PIAS2: variants seen among roughly 807,000 people sequenced by gnomAD.
PIAS2 encodes E3 SUMO-protein ligase PIAS2.
In PIAS2, 19 loss-of-function variants were observed where a neutral mutation model predicts 69.7. That is an observed-to-expected ratio of 0.27 (90% confidence interval 0.19 to 0.40). The LOEUF (loss-of-function observed/expected upper bound fraction) is 0.40. Among genes scored for constraint, PIAS2 ranks in the 10% least tolerant of loss-of-function variants. The pLI is 1.00. For synonymous variants in PIAS2, 261 were observed against 263.2 expected (o/e 0.99, Z 0.08); for missense variants, 624 against 757.0 (o/e 0.82, Z 2.06).
chr18:46,875,304 T>C (rs2050990952), intron 2 of PIAS2, among the ~76,000 whole-genome samples: 1 of 152,168 alleles, frequency 6.6e-6, no homozygotes, highest in African/African-American at 2.4e-5. Context: ...ATATGGAGGA[T>C]GGACAGCCAG....
chr18:46,848,665 A>G (rs1222468149), intron 5 of PIAS2, among the ~76,000 whole-genome samples: 2 of 152,306 alleles, frequency 1.3e-5, no homozygotes, highest in East Asian at 3.9e-4. Context: ...AACTTGCAAC[A>G]AAATTCTGAA....
At chr18:46,838,236 G>T (rs138199148) in intron 8 of PIAS2, among the ~76,000 whole-genome samples, 722 of 152,258 alleles carry the variant, frequency 4.7e-3, no homozygotes, top group Non-Finnish European at 6.7e-3. Context: ...TTCTACCTAC[G>T]TGCAAGGTAC....
chr18:46,824,801 G>A (rs1285302842), intron 11 of PIAS2, among the ~76,000 whole-genome samples: 2 of 149,334 alleles, frequency 1.3e-5, no homozygotes, highest in South Asian at 2.1e-4. Context: ...TCAGGAGTTC[G>A]AGACCAGCCT....
intron 12 of PIAS2, chr18:46,817,892 T>A: frequency 1.0e-6 from 1 of 977,450 alleles, no homozygotes; most frequent in Non-Finnish European, 1.2e-6. Flanking sequence ...TCAAGTTTCA[T>A]CAGTAGTGAT....
rs761746592 is a variant in PIAS2 at position 46,815,348 on chromosome 18, A to T, written c.1650T>A (p.Gly550=). ...CTGGAATAAGGGAAAGAAAATCCAA[A>T]CCTAAAACAAAAATGCTTTGTTAAT... ...PISSMSSDLP[G]LDFLSLIPVD... Residue 550 remains glycine, a splice_region_variant and synonymous_variant, in exon 13 of 14, where the codon GGT becomes GGA. Coordinates refer to ENST00000585916, the MANE Select transcript of PIAS2 (RefSeq NM_004671.5). 1.9e-6 allele frequency: 3 copies of T among 1,611,918 alleles called. No individual in the cohort carries two copies. In the East Asian group the frequency reaches 6.7e-5, roughly 36 times the overall value.
At chr18:46,886,246 CA>C (rs2145924376) in intron 2 of PIAS2, among the ~76,000 whole-genome samples, 1 of 129,848 alleles carries the variant, frequency 7.7e-6, no homozygotes, top group Admixed American at 7.3e-5. Flanking sequence ...CTACCCAAGC[CA>C]TATCACTAGT....
At chr18:46,876,600 G>C (rs1297279698) in intron 2 of PIAS2, among the ~76,000 whole-genome samples, 1 of 152,064 alleles carries the variant, frequency 6.6e-6, no homozygotes, top group African/African-American at 2.4e-5. Context: ...TAATAATACT[G>C]CTCCCGATGG....
chr18:46,879,781 G>A (rs983769830), intron 2 of PIAS2, among the ~76,000 whole-genome samples: 4 of 152,192 alleles, frequency 2.6e-5, no homozygotes, highest in Non-Finnish European at 4.4e-5. Context: ...AGGACATTAC[G>A]TTTAGTGAAA....
chr18:46,910,255 C>T (rs2057107842), intron 1 of PIAS2, among the ~76,000 whole-genome samples: 1 of 152,122 alleles, frequency 6.6e-6, no homozygotes, highest in African/African-American at 2.4e-5. Flanking sequence ...AGTACAATGG[C>T]TACTGTCATT....
chr18:46,817,883 C>G, intron 12 of PIAS2: 1 of 975,892 alleles, frequency 1.0e-6, no homozygotes, highest in Admixed American at 6.2e-5. Flanking sequence ...TATATAAAAT[C>G]AAGTTTCATC....
chr18:46,846,589 T>C lies in PIAS2; in HGVS notation c.861+118A>G, dbSNP rs2046196532. 1.1e-5 allele frequency: 12 copies of C among 1,044,690 alleles called. No individual in the cohort carries two copies. The South Asian group carries it at 2.2e-4, about 19-fold the overall frequency. 64.7% of individuals were successfully genotyped at this position (1,044,690 alleles called of 1,614,324 possible). ...CCACCTCTAAACTGAAAATTACTGC[T>C]TTTTAGAGATTACAATCCAAAAACA... On this transcript the variant is annotated intron_variant, in intron 6 of 13. Coordinates refer to ENST00000585916, the MANE Select transcript of PIAS2 (RefSeq NM_004671.5).
chr18:46,879,567 A>C (rs181683205), intron 2 of PIAS2, among the ~76,000 whole-genome samples: 1 of 152,212 alleles, frequency 6.6e-6, no homozygotes, highest in African/African-American at 2.4e-5. Context: ...GTGTATACTC[A>C]TAAGAATTAA....
intron 1 of PIAS2, among the ~76,000 whole-genome samples, chr18:46,910,099 T>C (rs890037936): frequency 2.0e-5 from 3 of 152,196 alleles, no homozygotes; most frequent in Non-Finnish European, 4.4e-5. Flanking sequence ...GAGGTTGCGG[T>C]GAGTCAAGAT....
chr18:46,838,670 G>A (rs995446611), intron 8 of PIAS2, among the ~76,000 whole-genome samples: 3 of 152,134 alleles, frequency 2.0e-5, no homozygotes, highest in African/African-American at 7.2e-5. Context: ...GAATCTTACA[G>A]TATGCCCAAG....
chr18:46,864,256 GAAAA>G lies in PIAS2; in HGVS notation c.500-12_500-9del. ...GCTGAATACTGCTTTGAACTGGGAA[GAAAA>G]AAAAAAAGAAAGATAATATTTCAAT... On this transcript the variant is annotated splice_polypyrimidine_tract_variant and intron_variant, in intron 2 of 13. Coordinates refer to ENST00000585916, the MANE Select transcript of PIAS2 (RefSeq NM_004671.5). The G allele has an allele frequency of 8.4e-7, 1 of 1,197,168 alleles. No homozygotes were observed. The highest frequency in any genetic ancestry group is 1.7e-5 in the South Asian group (1 of 59,942). 74.2% of individuals were successfully genotyped at this position (1,197,168 alleles called of 1,614,324 possible). A position where few individuals can be genotyped will look rare whatever the true frequency, so the allele number is the denominator to read the frequency against.
rs869187746 is a variant in PIAS2, at chr18:46,806,353, C to CTTTTTTTTTTTTTTTTTTTTT, written c.*6059_*6079dup. On this transcript the variant is annotated 3_prime_UTR_variant, in exon 14 of 14. Transcript: ENST00000585916. ...AAAATTCTTTGCACAATGCCTGTTACTTTTTTTTTTTTTTTTTTTTTTTTT... is the reference window on the plus strand; with the variant it reads ...AAAATTCTTTGCACAATGCCTGTTACTTTTTTTTTTTTTTTTTTTTTTTTTTTTTTTTTTTTTTTTTTTTTT... 2.0e-4 allele frequency: 12 copies of CTTTTTTTTTTTTTTTTTTTTT among 60,204 alleles called. 5 individuals carry two copies. Among genetic ancestry groups the CTTTTTTTTTTTTTTTTTTTTT allele is most frequent in the Non-Finnish European group, 3.6e-4 (11 of 30,790 alleles). 3.7% of individuals were successfully genotyped at this position (60,204 alleles called of 1,614,324 possible).
intron 1 of PIAS2, among the ~76,000 whole-genome samples, chr18:46,912,968 A>C (rs986418670): frequency 6.6e-6 from 1 of 152,216 alleles, no homozygotes; most frequent in Non-Finnish European, 1.5e-5. Flanking sequence ...TACAGCCTTG[A>C]GCCACTGCGC....
chr18:46,891,509 G>C (rs1433586628), intron 1 of PIAS2: 1 of 167,640 alleles, frequency 6.0e-6, no homozygotes, highest in African/African-American at 2.4e-5. Context: ...TTTTGATGCT[G>C]AGTAGTAAAT....
chr18:46,823,820 A>G (rs1011307853), intron 11 of PIAS2, among the ~76,000 whole-genome samples: 1 of 152,232 alleles, frequency 6.6e-6, no homozygotes, highest in African/African-American at 2.4e-5. Flanking sequence ...TTATCAAATT[A>G]CATACTGGGA....
Sources: gnomAD v4.1 joint callset for allele counts (sites outside exome capture counted in the v4.1 genomes callset) on GRCh38, gnomAD v4.1.1 for gene constraint, MANE v1.5 for transcripts, NCBI Gene and HGNC (gene_info 2026-07-23, HGNC 2026-07-21) for gene names.